Variants in KCTD8 observed in about 807,000 individuals in gnomAD.
KCTD8 encodes potassium channel tetramerization domain containing 8, also known as BTB/POZ domain-containing protein KCTD8.
A neutral mutation model predicts 31.5 loss-of-function variants in KCTD8; 27 were observed. The observed-to-expected ratio is 0.86, with a 90% CI of 0.63 to 1.18. KCTD8 has a LOEUF of 1.18. Ranked by LOEUF, KCTD8 falls within the 50% of genes most tolerant of loss-of-function variation. The probability of loss-of-function intolerance (pLI) is 0.00; values close to 1 mark genes in which losing one functional copy is unlikely to be tolerated. For synonymous variants in KCTD8, 290 were observed against 280.0 expected, an observed-to-expected ratio of 1.04 and a Z score of -0.36; for missense variants, 658 against 647.7, an observed-to-expected ratio of 1.02 and a Z score of -0.17.
intron 1 of KCTD8, among the ~76,000 whole-genome samples, chr4:44,292,954 C>T (rs1717323649): frequency 6.6e-6 from 1 of 152,098 alleles, no homozygotes; most frequent in Admixed American, 6.5e-5. Context: ...TCTACACCCC[C>T]TATTTTGTTT....
chr4:44,175,600 T>C (rs1713191072), intron 1 of KCTD8, among the ~76,000 whole-genome samples: 1 of 152,232 alleles, frequency 6.6e-6, no homozygotes, highest in South Asian at 2.1e-4. Flanking sequence ...TAATGTTTTG[T>C]TAGCCCTCTA....
intron 1 of KCTD8, among the ~76,000 whole-genome samples, chr4:44,268,343 A>G (rs1444579446): frequency 1.3e-5 from 2 of 151,842 alleles, no homozygotes; most frequent in Non-Finnish European, 2.9e-5. Context: ...AAATTCAACA[A>G]CCCTTCATGC....
intron 1 of KCTD8, among the ~76,000 whole-genome samples, chr4:44,432,001 C>T (rs1056454883): frequency 3.3e-5 from 5 of 151,414 alleles, no homozygotes; most frequent in African/African-American, 7.3e-5. Context: ...TCTGCTTTTA[C>T]GTGTTCTTCT....
intron 1 of KCTD8, among the ~76,000 whole-genome samples, chr4:44,277,075 G>A (rs917477200): frequency 2.0e-5 from 3 of 151,712 alleles, no homozygotes; most frequent in Non-Finnish European, 4.4e-5. Flanking sequence ...ATTAGTACAG[G>A]TAGTTAGAAC....
intron 1 of KCTD8, among the ~76,000 whole-genome samples, chr4:44,395,978 G>A (rs1187418009): frequency 3.9e-5 from 6 of 152,088 alleles, no homozygotes; most frequent in Admixed American, 1.3e-4. Context: ...TTCTATTATT[G>A]TACACTTTAT....
intron 1 of KCTD8, among the ~76,000 whole-genome samples, chr4:44,421,481 C>T (rs1297179974): frequency 6.6e-6 from 1 of 152,080 alleles, no homozygotes; most frequent in African/African-American, 2.4e-5. Flanking sequence ...AGAGCCCAGA[C>T]ATATGAACCT....
intron 1 of KCTD8, among the ~76,000 whole-genome samples, chr4:44,393,988 T>TG (rs1357317931): frequency 4.6e-5 from 7 of 152,048 alleles, no homozygotes; most frequent in African/African-American, 1.7e-4. Flanking sequence ...CATTTTTTGT[T>TG]AAGAATATAG....
At chr4:44,227,667 C>G (rs555277822) in intron 1 of KCTD8, among the ~76,000 whole-genome samples, 1 of 152,046 alleles carries the variant, frequency 6.6e-6, no homozygotes, top group East Asian at 1.9e-4. Flanking sequence ...TAATTTAGAA[C>G]CTCATAAAAA....
At chr4:44,391,396 ACT>A (rs1720366154) in intron 1 of KCTD8, among the ~76,000 whole-genome samples, 1 of 151,678 alleles carries the variant, frequency 6.6e-6, no homozygotes, top group South Asian at 2.1e-4. Flanking sequence ...ACCTCTTCCA[ACT>A]CTGTCACCCA....
At chr4:44,415,748 C>T (rs1383102800) in intron 1 of KCTD8, among the ~76,000 whole-genome samples, 1 of 152,204 alleles carries the variant, frequency 6.6e-6, no homozygotes, top group Non-Finnish European at 1.5e-5. Context: ...GTGAAGGTGG[C>T]TTGGCAGCAC....
At chr4:44,268,268 T>C (rs989432873) in intron 1 of KCTD8, among the ~76,000 whole-genome samples, 8 of 151,808 alleles carry the variant, frequency 5.3e-5, no homozygotes, top group African/African-American at 1.9e-4. Flanking sequence ...TAATCCAGCA[T>C]ATAAACAGAA....
At chr4:44,381,749 G>A (rs4695713) in intron 1 of KCTD8, among the ~76,000 whole-genome samples, 37,547 of 151,468 alleles carry the variant, frequency 0.25, 4,951 homozygotes, top group South Asian at 0.3. Flanking sequence ...TTAAAAGTGT[G>A]TGGTGCCTCC....
chr4:44,303,300 G>T (rs976737159), intron 1 of KCTD8, among the ~76,000 whole-genome samples: 3 of 152,034 alleles, frequency 2.0e-5, no homozygotes, highest in African/African-American at 7.3e-5. Flanking sequence ...AATGGTACCA[G>T]TTCCTCCTTG....
At chr4:44,184,404 C>A (rs949748949) in intron 1 of KCTD8, among the ~76,000 whole-genome samples, 1 of 151,926 alleles carries the variant, frequency 6.6e-6, no homozygotes, top group African/African-American at 2.4e-5. Context: ...CATTACTTAG[C>A]CACTTTTATG....
At chr4:44,414,566 C>A (rs371411342) in intron 1 of KCTD8, among the ~76,000 whole-genome samples, 1 of 152,172 alleles carries the variant, frequency 6.6e-6, no homozygotes, top group Non-Finnish European at 1.5e-5. Flanking sequence ...CCCCTGAGGG[C>A]TGAGAATTAC....
intron 1 of KCTD8, among the ~76,000 whole-genome samples, chr4:44,425,504 G>A (rs1721323505): frequency 6.6e-6 from 1 of 151,980 alleles, no homozygotes. Context: ...AAAAGTGCGA[G>A]TTCCAAGAGG....
chr4:44,207,557 G>GA (rs1252778353), intron 1 of KCTD8, among the ~76,000 whole-genome samples: 1 of 152,144 alleles, frequency 6.6e-6, no homozygotes, highest in Non-Finnish European at 1.5e-5. Flanking sequence ...ATGAATTACT[G>GA]AAAGTCCCTG....
intron 1 of KCTD8, among the ~76,000 whole-genome samples, chr4:44,422,384 A>G (rs934474371): frequency 1.3e-5 from 2 of 152,058 alleles, no homozygotes; most frequent in Admixed American, 1.3e-4. Flanking sequence ...GGAACAGGAG[A>G]CAGAACTAAC....
chr4:44,282,360 C>T (rs1174106268), intron 1 of KCTD8, among the ~76,000 whole-genome samples: 1 of 152,000 alleles, frequency 6.6e-6, no homozygotes, highest in African/African-American at 2.4e-5. Flanking sequence ...CCAACCACAC[C>T]CATCAAAGAT....
Sources: gnomAD v4.1 joint callset for allele counts (sites outside exome capture counted in the v4.1 genomes callset) on GRCh38, gnomAD v4.1.1 for gene constraint, MANE v1.5 for transcripts, NCBI Gene and HGNC (gene_info 2026-07-23, HGNC 2026-07-21) for gene names.